The following TOX4 variants were observed in gnomAD, a reference collection of about 807,000 sequenced individuals.
The protein encoded by TOX4 is TOX high mobility group box family member 4, also known as epidermal Langerhans cell protein LCP1.
Under a neutral mutation model 61.0 loss-of-function variants are expected in TOX4, and 12 were observed. That is an observed-to-expected ratio of 0.20 (90% confidence interval 0.13 to 0.32). The LOEUF is 0.32. TOX4 is among the 10% of genes least tolerant of loss of function. TOX4 has a pLI of 1.00. For missense variants in TOX4, 499 were observed against 753.3 expected, an observed-to-expected ratio of 0.66 and a Z score of 3.95; for synonymous variants, 268 against 274.8, an observed-to-expected ratio of 0.98 and a Z score of 0.24.
chr14:21,479,446 C>T (rs539342208), intron 2 of TOX4, among the ~76,000 whole-genome samples: 65 of 151,706 alleles, frequency 4.3e-4, no homozygotes, highest in Non-Finnish European at 8.5e-4. Context: ...GTCAGGAGTT[C>T]GAGACCAGCC....
In TOX4 at chr14:21,492,625, C is replaced by A; in HGVS notation, c.1009C>A (p.Leu337Met). The A allele has an allele frequency of 6.2e-7, 1 of 1,613,798 alleles. No individual in the cohort carries two copies. Reference protein sequence around the residue: ...PAPASIEPPALSPSIVVNSTL... With the variant: ...PAPASIEPPAMSPSIVVNSTL... ...ACCAGCTTCAATAGAGCCCCCTGCC[C>A]TGTCCCCATCCATTGTTGTTAACTC... Residue 337 changes from leucine to methionine, a missense_variant, in exon 7 of 9, where the codon CTG (leucine) becomes ATG (methionine). Leu to Met is a conservative substitution (Grantham distance 15). This residue lies in a region of TOX4 where 296 missense variants were observed against 404.7 expected (regional missense o/e 0.73). Coordinates refer to ENST00000448790, the MANE Select transcript of TOX4 (RefSeq NM_014828.4).
intron 2 of TOX4, among the ~76,000 whole-genome samples, chr14:21,485,287 T>C (rs1891176210): frequency 9.5e-6 from 1 of 104,976 alleles, no homozygotes; most frequent in Non-Finnish European, 2.1e-5. Context: ...TGGTGGCACA[T>C]GTCTGTAATC....
In TOX4 at chr14:21,498,892, A is replaced by C; in HGVS notation, c.*2286A>C. The stretch of plus-strand genomic sequence containing the variant: ...AATCTCATAAAACAGTTTAAATACA[A>C]GCTTAAGTGGCTTATGAATCCTGTG... On this transcript the variant is annotated 3_prime_UTR_variant, in exon 9 of 9. Transcript: ENST00000448790. 1 of 649,226 alleles carries C rather than the reference A, an allele frequency of 1.5e-6. No individual in the cohort carries two copies. The highest frequency in any genetic ancestry group is 2.7e-6 in the Non-Finnish European group (1 of 367,198). The allele number at this position is 649,226 out of a possible 1,614,324, so 40.2% of individuals were successfully genotyped here. A position where few individuals can be genotyped will look rare whatever the true frequency, so the allele number is the denominator to read the frequency against.
Position 21,492,922 on chromosome 14 carries a change from A to G in TOX4, c.1306A>G (p.Met436Val), listed in dbSNP as rs148277586. The part of the protein sequence containing the change: ...AAAAAAAAAS[M>V]QLPPPRLQPP... ...AGCAGCTGCTGCTGCTGCTGCTTCT[A>G]TGCAACTGCCTCCACCCCGACTACA... Residue 436 changes from methionine to valine, a missense_variant, in exon 7 of 9, where the codon ATG becomes GTG. By Grantham distance (21) the Met-to-Val change is conservative. This residue lies in a region of TOX4 where 296 missense variants were observed against 404.7 expected (regional missense o/e 0.73). Coordinates refer to ENST00000448790, the MANE Select transcript of TOX4 (RefSeq NM_014828.4). The G allele has an allele frequency of 1.9e-6, 3 of 1,608,824 alleles. No homozygotes were observed. The highest frequency in any genetic ancestry group is 2.2e-5 in the East Asian group (1 of 44,854).
In TOX4 at chr14:21,497,957, A is replaced by G. The variant is rs1193054559; in HGVS notation, c.*1351A>G. On this transcript the variant is annotated 3_prime_UTR_variant, in exon 9 of 9. Transcript: ENST00000448790. ...CTCGGCTTCCCAAAGTGCTCGGATT[A>G]CAGGTGTGAGCCACTGTGCCTAGCC... The G allele has an allele frequency of 3.7e-6, 1 of 272,100 alleles. No homozygotes were observed. Among genetic ancestry groups the G allele is most frequent in the Non-Finnish European group, 7.0e-6 (1 of 142,560 alleles). The allele number at this position is 272,100 out of a possible 1,614,324, so 16.9% of individuals were successfully genotyped here.
intron 3 of TOX4, chr14:21,488,320 A>AT: frequency 2.5e-6 from 1 of 392,830 alleles, no homozygotes; most frequent in Non-Finnish European, 4.6e-6. Flanking sequence ...ATATTACTGA[A>AT]TAAGTTGATA....
chr14:21,487,546 C>A lies in TOX4; in HGVS notation c.171C>A (p.Gly57=), dbSNP rs2139623238. 1 of 1,614,200 alleles carries A rather than the reference C, an allele frequency of 6.2e-7. No individual in the cohort carries two copies. Among genetic ancestry groups the A allele is most frequent in the Non-Finnish European group, 8.5e-7 (1 of 1,180,026 alleles). ...CATTGGCTGTCTCAGATGTGGTTGGCCACTTTGATGACCTGGCAGACCCTT... is the reference window on the plus strand; with the variant it reads ...CATTGGCTGTCTCAGATGTGGTTGGACACTTTGATGACCTGGCAGACCCTT... ...DPSLAVSDVV[G]HFDDLADPSS... Residue 57 remains glycine, a synonymous_variant, in exon 3 of 9, where the codon GGC becomes GGA. Coordinates refer to ENST00000448790, the MANE Select transcript of TOX4 (RefSeq NM_014828.4).
rs1891436914 is a variant in TOX4 at position 21,497,679 on chromosome 14, C to T, written c.*1073C>T. The T allele has an allele frequency of 6.6e-6, 1 of 152,186 alleles. No individual in the cohort carries two copies. Among genetic ancestry groups the T allele is most frequent in the South Asian group, 2.1e-4 (1 of 4,824 alleles). The allele number at this position is 152,186 out of a possible 1,614,324, so 9.4% of individuals were successfully genotyped here. A position where few individuals can be genotyped will look rare whatever the true frequency, so the allele number is the denominator to read the frequency against. On this transcript the variant is annotated 3_prime_UTR_variant, in exon 9 of 9. Coordinates refer to ENST00000448790, the MANE Select transcript of TOX4 (RefSeq NM_014828.4). ...AGTAGCTAGGATTACAGGCGCCCGC[C>T]ACTACGCCCAGCTAATTTGTGGTAT...
intron 8 of TOX4, chr14:21,495,708 C>T (rs67802283): frequency 0.12 from 20,738 of 167,306 alleles, 1,399 homozygotes; most frequent in Admixed American, 0.22. Flanking sequence ...AATCAGACTA[C>T]TTAGGGAACT....
Position 21,499,080 on chromosome 14 carries a change from G to GAGAT in TOX4, c.*2477_*2480dup. 1.2e-6 allele frequency: 2 copies of GAGAT among 1,614,170 alleles called. No individual in the cohort carries two copies. Among genetic ancestry groups the GAGAT allele is most frequent in the Non-Finnish European group, 8.5e-7 (1 of 1,180,026 alleles). On this transcript the variant is annotated 3_prime_UTR_variant, in exon 9 of 9. Transcript: ENST00000448790. ...AATAACTCAATCTTGCGAGTGCCAG[G>GAGAT]AGATAGTCTTTCAATCATGCCATAG...
rs555020456 is a variant in TOX4 at position 21,492,858 on chromosome 14, A to C, written c.1242A>C (p.Gln414His). 9 of 1,613,342 alleles carry C rather than the reference A, an allele frequency of 5.6e-6. No homozygotes were observed. The Admixed American group carries it at 8.4e-5, about 15-fold the overall frequency. ...GTACAGCTACTATCCAGCCCAGTCA[A>C]CAAGCCCAGATTGTCACTCGGTCAG... ...QTSTATIQPS[Q>H]QAQIVTRSVL... The change falls in exon 7 of 9, where the codon CAA (glutamine) becomes CAC (histidine). Residue 414 changes from glutamine to histidine, a missense_variant. Transcript: ENST00000448790.
chr14:21,498,235 C>T lies in TOX4; in HGVS notation c.*1629C>T. 3 of 1,376,340 alleles carry T rather than the reference C, an allele frequency of 2.2e-6. No homozygotes were observed. The East Asian group carries it at 6.9e-5, about 31-fold the overall frequency. 85.3% of individuals were successfully genotyped at this position (1,376,340 alleles called of 1,614,324 possible). A position where few individuals can be genotyped will look rare whatever the true frequency, so the allele number is the denominator to read the frequency against. ...GCTTACAGAGCCATGGCTATGGATT[C>T]TTAGCTCTGTAAGGAAGTGCTTCTA... On this transcript the variant is annotated 3_prime_UTR_variant, in exon 9 of 9. Coordinates refer to ENST00000448790, the MANE Select transcript of TOX4 (RefSeq NM_014828.4).
At chr14:21,491,928 A>G (rs1891299245) in intron 5 of TOX4, among the ~76,000 whole-genome samples, 1 of 151,780 alleles carries the variant, frequency 6.6e-6, no homozygotes, top group Non-Finnish European at 1.5e-5. Context: ...GGAGAATGGC[A>G]TGAACCTGGG....
Position 21,496,625 on chromosome 14 carries a change from C to G in TOX4, c.*19C>G. 6.2e-7 allele frequency: 1 copy of G among 1,605,186 alleles called. No homozygotes were observed. The highest frequency in any genetic ancestry group is 8.5e-7 in the Non-Finnish European group (1 of 1,173,894). Reference sequence around the variant, plus strand: ...GAAATAGTCCTTCCTGTTCTCCAAGCCAGTGAAGAGTTATCTGCTGGGAAA... The same window carrying G: ...GAAATAGTCCTTCCTGTTCTCCAAGGCAGTGAAGAGTTATCTGCTGGGAAA... On this transcript the variant is annotated 3_prime_UTR_variant, in exon 9 of 9. Transcript: ENST00000448790.
In TOX4 at chr14:21,483,994, G is replaced by GA. The variant is rs770219098; in HGVS notation, c.76-3456dup. Among the ~76,000 whole-genome samples the GA allele has an allele frequency of 2.1e-4, 32 of 152,034 alleles. 1 individual carries two copies. Among genetic ancestry groups the GA allele is most frequent in the Admixed American group, 2.0e-3 (31 of 15,254 alleles). On this transcript the variant is annotated intron_variant, in intron 2 of 8. Coordinates refer to ENST00000448790, the MANE Select transcript of TOX4 (RefSeq NM_014828.4). ...AGCTAATTTTTGTATTTTTAGTAGA[G>GA]ATGGGGTTTTCCATGTTGGCCAGGC... is the stretch of plus-strand genomic sequence containing the variant.
In TOX4 at chr14:21,499,002, A is replaced by C; in HGVS notation, c.*2396A>C. 6.6e-7 allele frequency: 1 copy of C among 1,521,058 alleles called. No homozygotes were observed. The highest frequency in any genetic ancestry group is 9.1e-7 in the Non-Finnish European group (1 of 1,094,886). 94.2% of individuals were successfully genotyped at this position (1,521,058 alleles called of 1,614,324 possible). On this transcript the variant is annotated 3_prime_UTR_variant, in exon 9 of 9. Coordinates refer to ENST00000448790, the MANE Select transcript of TOX4 (RefSeq NM_014828.4). ...CATAAATAATAGCCCCTTGAGGACT[A>C]GCCTGTTCTCTGGTCACCTTACCAG...
chr14:21,493,363 CAGG>C (rs1389205360), intron 7 of TOX4, 106 bp downstream of exon 7: 1 of 1,307,062 alleles, frequency 7.7e-7, no homozygotes, highest in African/African-American at 1.5e-5. Context: ...GCCCAGCAAC[CAGG>C]AGCACAAAAC....
chr14:21,487,373 C>T (rs1243571657), intron 2 of TOX4, 78 bp from the exon 3 acceptor site: 13 of 1,537,696 alleles, frequency 8.5e-6, no homozygotes, highest in Non-Finnish European at 1.1e-5. Context: ...ATCTCTAGTA[C>T]CCCATTATGT....
At chr14:21,495,140 C>G in intron 7 of TOX4, 89 bp from the exon 8 acceptor site, 1 of 1,450,366 alleles carries the variant, frequency 6.9e-7, no homozygotes, top group Non-Finnish European at 9.5e-7. Context: ...ATACCTGTTG[C>G]TTCATTGGTT....
Sources: allele counts gnomAD v4.1 joint callset (sites outside exome capture counted in the v4.1 genomes callset), GRCh38; gene constraint gnomAD v4.1.1; regional missense constraint gnomAD v4.1.1; transcripts MANE v1.5; gene names NCBI Gene and HGNC (gene_info 2026-07-23, HGNC 2026-07-21).